The following KHDRBS2 variants were observed in gnomAD, a reference collection of about 807,000 sequenced individuals.
The protein encoded by KHDRBS2 is KH RNA binding domain containing, signal transduction associated 2.
In KHDRBS2, 26 loss-of-function variants were observed where a neutral mutation model predicts 44.3. The ratio of observed to expected loss-of-function variants is 0.59; its 90% CI spans 0.43 to 0.81. The LOEUF is 0.81. Among genes scored for constraint, KHDRBS2 ranks in the 40% least tolerant of loss-of-function variants. KHDRBS2 has a pLI of 0.00. For missense variants in KHDRBS2, 476 were observed against 433.1 expected, an observed-to-expected ratio of 1.10 and a Z score of -0.88; for synonymous variants, 194 against 151.1, an observed-to-expected ratio of 1.28 and a Z score of -2.08.
At chr6:62,008,313 G>C (rs1405338660) in intron 3 of KHDRBS2, among the ~76,000 whole-genome samples, 1 of 151,946 alleles carries the variant, frequency 6.6e-6, no homozygotes, top group Non-Finnish European at 1.5e-5. Flanking sequence ...TTTTTTCCTA[G>C]TCATGTGACA....
the KHDRBS2 span, among the ~76,000 whole-genome samples, chr6:61,607,260 A>G: frequency 3.3e-5 from 5 of 151,870 alleles, no homozygotes; most frequent in Admixed American, 1.3e-4. Context: ...AATAGCTAAC[A>G]TTTTCCCTAA....
At chr6:62,260,124 T>C (rs1195569390) in intron 1 of KHDRBS2, among the ~76,000 whole-genome samples, 4 of 151,970 alleles carry the variant, frequency 2.6e-5, no homozygotes, top group Non-Finnish European at 4.4e-5. Context: ...CTTGGCTCTG[T>C]CATCAATGAG....
At chr6:62,001,065 C>A (rs1376801822) in intron 3 of KHDRBS2, among the ~76,000 whole-genome samples, 1 of 152,108 alleles carries the variant, frequency 6.6e-6, no homozygotes, top group Non-Finnish European at 1.5e-5. Context: ...AGAAGCAGCC[C>A]TTCCTGGCCT....
intron 7 of KHDRBS2, among the ~76,000 whole-genome samples, chr6:61,722,479 A>G (rs561612402): frequency 1.3e-5 from 2 of 152,298 alleles, no homozygotes; most frequent in Non-Finnish European, 2.9e-5. Context: ...GGCATCTTCC[A>G]GATTCTATTT....
chr6:61,651,559 G>A, the KHDRBS2 span, among the ~76,000 whole-genome samples: 3 of 151,966 alleles, frequency 2.0e-5, no homozygotes, highest in Non-Finnish European at 4.4e-5. Flanking sequence ...TTTGGATTAG[G>A]TCTGCTTGGC....
chr6:61,700,436 T>G (rs559192084), intron 7 of KHDRBS2, among the ~76,000 whole-genome samples: 1 of 149,822 alleles, frequency 6.7e-6, no homozygotes, highest in Non-Finnish European at 1.5e-5. Flanking sequence ...ACTAGATATT[T>G]GTAAAATAAT....
At chr6:61,971,831 C>A (rs574221848) in intron 4 of KHDRBS2, among the ~76,000 whole-genome samples, 28 of 152,144 alleles carry the variant, frequency 1.8e-4, no homozygotes, top group Admixed American at 5.9e-4. Flanking sequence ...AATCTGGTTT[C>A]CCATTTCCAG....
At chr6:62,088,756 G>A (rs542730971) in intron 2 of KHDRBS2, among the ~76,000 whole-genome samples, 50 of 152,266 alleles carry the variant, frequency 3.3e-4, no homozygotes, top group Admixed American at 7.8e-4. Flanking sequence ...TGCTGTGCTT[G>A]GAGATCCACT....
At chr6:62,089,403 C>T (rs1337560376) in intron 2 of KHDRBS2, among the ~76,000 whole-genome samples, 1 of 152,102 alleles carries the variant, frequency 6.6e-6, no homozygotes, top group East Asian at 1.9e-4. Flanking sequence ...GTTGCGAAGA[C>T]TCTGGGAAAA....
chr6:61,739,502 A>AT (rs1156927114), intron 6 of KHDRBS2, among the ~76,000 whole-genome samples: 1 of 151,878 alleles, frequency 6.6e-6, no homozygotes, highest in Non-Finnish European at 1.5e-5. Context: ...ACACTTTTAA[A>AT]TAAATAAAAT....
At chr6:62,218,235 C>T (rs533841308) in intron 1 of KHDRBS2, among the ~76,000 whole-genome samples, 4 of 151,834 alleles carry the variant, frequency 2.6e-5, no homozygotes, top group East Asian at 1.9e-4. Context: ...TCTGAGTAGA[C>T]GAGAACAATC....
At chr6:62,153,844 T>G (rs1815769992) in intron 2 of KHDRBS2, among the ~76,000 whole-genome samples, 1 of 152,182 alleles carries the variant, frequency 6.6e-6, no homozygotes, top group Non-Finnish European at 1.5e-5. Flanking sequence ...CCATCCAGGC[T>G]TTGCCTAAAG....
chr6:61,635,712 C>T, the KHDRBS2 span, among the ~76,000 whole-genome samples: 1 of 151,886 alleles, frequency 6.6e-6, no homozygotes, highest in Non-Finnish European at 1.5e-5. Flanking sequence ...CTTTACATAC[C>T]TACTATCCAT....
At chr6:62,167,016 G>T (rs1818845555) in intron 2 of KHDRBS2, among the ~76,000 whole-genome samples, 1 of 151,992 alleles carries the variant, frequency 6.6e-6, no homozygotes, top group African/African-American at 2.4e-5. Context: ...AAGAATACGG[G>T]TTTGGACATT....
At chr6:61,797,026 A>C (rs1251225736) in intron 6 of KHDRBS2, among the ~76,000 whole-genome samples, 1 of 152,164 alleles carries the variant, frequency 6.6e-6, no homozygotes, top group African/African-American at 2.4e-5. Context: ...ATACAGAATA[A>C]AACGAAGTAG....
chr6:61,548,970 T>C, the KHDRBS2 span, among the ~76,000 whole-genome samples: 1 of 152,110 alleles, frequency 6.6e-6, no homozygotes, highest in East Asian at 1.9e-4. Context: ...ACACTTGGAA[T>C]GGGGTCTTAA....
intron 2 of KHDRBS2, among the ~76,000 whole-genome samples, chr6:62,152,553 T>C (rs537595519): frequency 4.8e-4 from 73 of 152,338 alleles, no homozygotes; most frequent in Non-Finnish European, 8.1e-4. Context: ...CAAAAAATTC[T>C]TCTTAGTGTG....
chr6:61,639,384 C>G, the KHDRBS2 span, among the ~76,000 whole-genome samples: 1 of 152,058 alleles, frequency 6.6e-6, no homozygotes, highest in East Asian at 1.9e-4. Flanking sequence ...TTCCTCACCT[C>G]TAATATTTAT....
downstream of KHDRBS2, among the ~76,000 whole-genome samples, chr6:61,677,368 C>T (rs1766004003): frequency 6.6e-6 from 1 of 151,786 alleles, no homozygotes; most frequent in Non-Finnish European, 1.5e-5. Context: ...AATTTTTATA[C>T]TCAAATATAT....
Sources: gnomAD v4.1 joint callset for allele counts (sites outside exome capture counted in the v4.1 genomes callset) on GRCh38, gnomAD v4.1.1 for gene constraint, MANE v1.5 for transcripts, NCBI Gene and HGNC (gene_info 2026-07-23, HGNC 2026-07-21) for gene names.